DLG2: variants seen among roughly 807,000 people sequenced by gnomAD.
The protein encoded by DLG2 is disks large homolog 2.
In DLG2, 45 loss-of-function variants were observed where a neutral mutation model predicts 132.5. The observed-to-expected ratio is 0.34, with a 90% CI of 0.27 to 0.44. DLG2 has a LOEUF of 0.44. DLG2 is among the 20% of genes least tolerant of loss of function. The probability of loss-of-function intolerance (pLI) is 1.00; values close to 1 mark genes in which losing one functional copy is unlikely to be tolerated. For synonymous variants in DLG2, 424 were observed against 419.6 expected (o/e 1.01, Z -0.13); for missense variants, 1,045 against 1,196.9 (o/e 0.87, Z 1.87).
intron 3 of DLG2, among the ~76,000 whole-genome samples, chr11:85,366,110 G>A (rs1336572129): frequency 1.3e-5 from 2 of 152,070 alleles, no homozygotes; most frequent in Non-Finnish European, 2.9e-5. Context: ...TTGAGGATGG[G>A]GGCAGTCCCA....
intron 3 of DLG2, among the ~76,000 whole-genome samples, chr11:85,303,322 C>A (rs2079724328): frequency 1.3e-5 from 2 of 152,136 alleles, no homozygotes; most frequent in Admixed American, 6.6e-5. Flanking sequence ...TTAATCATAT[C>A]TCTGGCATCT....
At chr11:85,155,280 A>G (rs906591511) in intron 4 of DLG2, among the ~76,000 whole-genome samples, 1 of 152,204 alleles carries the variant, frequency 6.6e-6, no homozygotes, top group African/African-American at 2.4e-5. Context: ...AATTGGTACA[A>G]GAAGATGTTG....
intron 3 of DLG2, among the ~76,000 whole-genome samples, chr11:85,467,160 G>C (rs1220219990): frequency 6.6e-6 from 1 of 152,170 alleles, no homozygotes; most frequent in South Asian, 2.1e-4. Flanking sequence ...AATTGATTTT[G>C]TATCCTGAGA....
chr11:84,149,000 G>A (rs534083043), intron 9 of DLG2, among the ~76,000 whole-genome samples: 6 of 151,912 alleles, frequency 3.9e-5, no homozygotes, highest in East Asian at 3.9e-4. Context: ...TATGTTTTTC[G>A]GCTACTTGTA....
At chr11:83,886,989 G>T (rs2068090470) in intron 15 of DLG2, among the ~76,000 whole-genome samples, 1 of 151,960 alleles carries the variant, frequency 6.6e-6, no homozygotes, top group Non-Finnish European at 1.5e-5. Context: ...GCCCACAAGA[G>T]AAAGCAGGAA....
intron 7 of DLG2, among the ~76,000 whole-genome samples, chr11:84,275,893 G>C (rs574994679): frequency 6.6e-6 from 1 of 152,188 alleles, no homozygotes; most frequent in Non-Finnish European, 1.5e-5. Context: ...CTTTGCTAGA[G>C]TCTGTTGTTA....
chr11:84,501,308 T>C (rs771870390), intron 7 of DLG2, among the ~76,000 whole-genome samples: 8 of 152,242 alleles, frequency 5.3e-5, no homozygotes, highest in Non-Finnish European at 1.2e-4. Context: ...CTCATGCCTG[T>C]AATCCCAGCA....
At chr11:84,302,277 C>T (rs575096784) in intron 7 of DLG2, among the ~76,000 whole-genome samples, 4 of 152,220 alleles carry the variant, frequency 2.6e-5, no homozygotes, top group African/African-American at 7.2e-5. Flanking sequence ...AGCAAACCAC[C>T]ATGGCACGCG....
At chr11:84,074,689 C>T (rs879632178) in intron 10 of DLG2, among the ~76,000 whole-genome samples, 36 of 151,986 alleles carry the variant, frequency 2.4e-4, no homozygotes, top group Middle Eastern at 3.4e-3. Context: ...CCACCACGCC[C>T]GGCTAATTTT....
At chr11:84,535,434 G>A (rs1252586311) in intron 6 of DLG2, among the ~76,000 whole-genome samples, 1 of 152,132 alleles carries the variant, frequency 6.6e-6, no homozygotes, top group East Asian at 1.9e-4. Flanking sequence ...AGGGGACAGA[G>A]GTAAATACTT....
At chr11:85,442,630 A>C (rs916175087) in intron 3 of DLG2, among the ~76,000 whole-genome samples, 1 of 152,108 alleles carries the variant, frequency 6.6e-6, no homozygotes, top group Admixed American at 6.5e-5. Context: ...GGAAGGCCAA[A>C]GAAGGAGGAT....
At chr11:83,975,545 GTTTC>G (rs1310047044) in intron 12 of DLG2, among the ~76,000 whole-genome samples, 2 of 151,910 alleles carry the variant, frequency 1.3e-5, no homozygotes, top group African/African-American at 4.8e-5. Flanking sequence ...CAGAGTAATT[GTTTC>G]TTTAAGTAGA....
chr11:83,654,200 C>T (rs1300314490), intron 18 of DLG2, among the ~76,000 whole-genome samples: 1 of 152,128 alleles, frequency 6.6e-6, no homozygotes, highest in African/African-American at 2.4e-5. Context: ...ATAAAACTTT[C>T]ACCAACCAAG....
rs116606945 is a variant in DLG2 at position 84,569,989 on chromosome 11, A to G, written c.358-35258T>C. On this transcript the variant is annotated intron_variant, in intron 6 of 27. Coordinates refer to ENST00000376104, the MANE Select transcript of DLG2 (RefSeq NM_001142699.3). ...TACCTGTGTTGACATTTGTGTTCTC[A>G]GTTATGGGTGAGGTGGGGTGGTGAA... 7.7e-3 allele frequency among the ~76,000 whole-genome samples: 1,178 copies of G among 152,282 alleles called. 14 individuals carry two copies. The highest frequency in any genetic ancestry group is 0.026 in the African/African-American group (1,087 of 41,550).
intron 6 of DLG2, among the ~76,000 whole-genome samples, chr11:84,952,100 C>T (rs2154103324): frequency 6.6e-6 from 1 of 152,288 alleles, no homozygotes; most frequent in African/African-American, 2.4e-5. Context: ...TTTTTCTTAT[C>T]TCTCAGGGTA....
At chr11:83,785,291 T>C (rs1371984967) in intron 18 of DLG2, among the ~76,000 whole-genome samples, 1 of 152,158 alleles carries the variant, frequency 6.6e-6, no homozygotes, top group Non-Finnish European at 1.5e-5. Context: ...CCTGACCTCC[T>C]GATCCGCCCG....
intron 7 of DLG2, among the ~76,000 whole-genome samples, chr11:84,281,550 C>T (rs985485937): frequency 6.6e-5 from 10 of 151,358 alleles, no homozygotes; most frequent in African/African-American, 2.4e-4. Flanking sequence ...ATTAACTCAT[C>T]ATTTAGCATT....
intron 16 of DLG2, among the ~76,000 whole-genome samples, chr11:83,834,278 A>G (rs1381211378): frequency 2.0e-5 from 3 of 152,220 alleles, no homozygotes; most frequent in Non-Finnish European, 4.4e-5. Flanking sequence ...AATTCATTTT[A>G]GGAAAATTAA....
intron 3 of DLG2, among the ~76,000 whole-genome samples, chr11:85,461,539 G>T (rs2092613714): frequency 6.6e-6 from 1 of 152,126 alleles, no homozygotes; most frequent in South Asian, 2.1e-4. Context: ...AGTGAGAGAA[G>T]TCCTTGAGTA....
Sources: allele counts gnomAD v4.1 joint callset (sites outside exome capture counted in the v4.1 genomes callset), GRCh38; gene constraint gnomAD v4.1.1; transcripts MANE v1.5; gene names NCBI Gene and HGNC (gene_info 2026-07-23, HGNC 2026-07-21).